Variants in ATP11B observed in about 807,000 individuals in gnomAD.
ATP11B encodes the protein phospholipid-transporting ATPase IF.
In ATP11B, 81 loss-of-function variants were observed where a neutral mutation model predicts 157.8. That is an observed-to-expected ratio of 0.51 (90% CI 0.43 to 0.62). ATP11B has a LOEUF of 0.62. Ranked by LOEUF, ATP11B falls within the 20% of genes least tolerant of loss-of-function variation. The pLI is 0.00. For missense variants in ATP11B, 1,165 were observed against 1,402.2 expected, an observed-to-expected ratio of 0.83 and a Z score of 2.70; for synonymous variants, 451 against 469.4, an observed-to-expected ratio of 0.96 and a Z score of 0.51.
chr3:182,840,246 C>G (rs1718902563), intron 7 of ATP11B, among the ~76,000 whole-genome samples: 1 of 152,174 alleles, frequency 6.6e-6, no homozygotes, highest in South Asian at 2.1e-4. Context: ...ACTCCCCTCT[C>G]TTGGTTTACC....
chr3:182,896,237 A>G (rs146833461), intron 25 of ATP11B, among the ~76,000 whole-genome samples: 1 of 152,260 alleles, frequency 6.6e-6, no homozygotes, highest in East Asian at 1.9e-4. Flanking sequence ...TTCCTTTCAG[A>G]TACAGGTTTT....
chr3:182,821,141 G>T (rs1011023696), intron 2 of ATP11B, among the ~76,000 whole-genome samples: 1 of 151,950 alleles, frequency 6.6e-6, no homozygotes, highest in Non-Finnish European at 1.5e-5. Flanking sequence ...ACAGAGTCTC[G>T]CTGTGTCACC....
intron 1 of ATP11B, among the ~76,000 whole-genome samples, chr3:182,800,454 C>T (rs1004863109): frequency 6.6e-6 from 1 of 151,914 alleles, no homozygotes; most frequent in Non-Finnish European, 1.5e-5. Flanking sequence ...TCTCAGACTC[C>T]TGGACTCAAG....
At chr3:182,890,745 G>T (rs1723118351) in intron 25 of ATP11B, among the ~76,000 whole-genome samples, 1 of 152,106 alleles carries the variant, frequency 6.6e-6, no homozygotes, top group Admixed American at 6.6e-5. Context: ...TACATTACAT[G>T]CATTTGCTCA....
intron 9 of ATP11B, among the ~76,000 whole-genome samples, chr3:182,846,142 A>G (rs570916832): frequency 6.6e-6 from 1 of 152,186 alleles, no homozygotes; most frequent in African/African-American, 2.4e-5. Context: ...AGCTCCTCAC[A>G]TTTCAGGAAT....
chr3:182,853,160 A>G (rs1720107055), intron 10 of ATP11B, among the ~76,000 whole-genome samples: 1 of 152,224 alleles, frequency 6.6e-6, no homozygotes, highest in Admixed American at 6.5e-5. Flanking sequence ...TAAGAAAACT[A>G]TAATAAGCAA....
At position 182,913,876 on chromosome 3, in the gene ATP11B, G is replaced by GC. The variant is rs1724965391; in HGVS notation, c.3335dup (p.Gly1113ArgfsTer33). 11 of 1,614,108 alleles carry GC rather than the reference G, an allele frequency of 6.8e-6. No homozygotes were observed. Among genetic ancestry groups the GC allele is most frequent in the Non-Finnish European group, 9.3e-6 (11 of 1,179,950 alleles). On this transcript the variant is annotated frameshift_variant, in exon 29 of 30. Transcript: ENST00000323116. LOFTEE classifies it high-confidence loss of function. The stretch of plus-strand genomic sequence containing the variant: ...CCTCCCGCAGCTTACTGAAACAAAT[G>GC]CAGGTATCAAGTGCTTGGACTCCAT...
At chr3:182,845,590 A>G in intron 9 of ATP11B, 68 bp downstream of exon 9, 1 of 992,054 alleles carries the variant, frequency 1.0e-6, no homozygotes, top group South Asian at 1.8e-5. Context: ...TACTTTTAAA[A>G]GTACAATGTG....
chr3:182,837,207 G>A, intron 7 of ATP11B, 33 bp downstream of exon 7: 1 of 1,448,032 alleles, frequency 6.9e-7, no homozygotes, highest in Non-Finnish European at 9.6e-7. Flanking sequence ...CTTATTTTAA[G>A]TCCTATTTAC....
chr3:182,840,134 T>TGGTA (rs1196712650), intron 7 of ATP11B, among the ~76,000 whole-genome samples: 3 of 152,202 alleles, frequency 2.0e-5, no homozygotes, highest in Non-Finnish European at 4.4e-5. Context: ...AAATACTGTA[T>TGGTA]GGTACCTCAT....
In ATP11B at chr3:182,887,632, C is replaced by T. The variant is rs1302893666; in HGVS notation, c.2762C>T (p.Thr921Ile). The T allele has an allele frequency of 6.2e-7, 1 of 1,612,500 alleles. No homozygotes were observed. The highest frequency in any genetic ancestry group is 8.5e-7 in the Non-Finnish European group (1 of 1,179,352). The change falls in exon 24 of 30, where the codon ACT becomes ATT. Residue 921 changes from threonine (T) to isoleucine (I), a missense_variant. Physicochemically the swap from Thr to Ile is moderately conservative, Grantham distance 89. Around this residue, in one of 4 missense-constraint regions of ATP11B, gnomAD observed 737 missense variants for 930.5 expected, o/e 0.79. Transcript: ENST00000323116. Reference protein sequence around the residue: ...VYLTLYNICFTSLPILIYSLL... With the variant: ...VYLTLYNICFISLPILIYSLL... Reference sequence around the variant, plus strand: ...CTGACTTTATACAATATTTGTTTTACTTCCCTACCTATTCTGATATATAGT... The same window carrying T: ...CTGACTTTATACAATATTTGTTTTATTTCCCTACCTATTCTGATATATAGT...
chr3:182,898,522 C>T (rs1030955278), intron 27 of ATP11B, 85 bp from the exon 28 acceptor site: 9 of 1,063,262 alleles, frequency 8.5e-6, no homozygotes, highest in Non-Finnish European at 1.2e-5. Context: ...GTACTTGTTA[C>T]TTTCAACTGT....
intron 1 of ATP11B, among the ~76,000 whole-genome samples, chr3:182,794,653 T>C (rs1329622819): frequency 2.0e-5 from 3 of 152,134 alleles, no homozygotes; most frequent in African/African-American, 7.2e-5. Flanking sequence ...GTGCCACCTT[T>C]CCCAGAATTA....
At chr3:182,810,737 T>C (rs1716613306) in intron 1 of ATP11B, among the ~76,000 whole-genome samples, 1 of 152,222 alleles carries the variant, frequency 6.6e-6, no homozygotes, top group Admixed American at 6.5e-5. Flanking sequence ...TGTTGTACAG[T>C]AGTTTCCTGG....
At chr3:182,810,268 GT>G (rs1716573187) in intron 1 of ATP11B, among the ~76,000 whole-genome samples, 10 of 152,064 alleles carry the variant, frequency 6.6e-5, no homozygotes, top group African/African-American at 2.4e-4. Flanking sequence ...GGAGGTGGAG[GT>G]TGCAGCGAGC....
intron 19 of ATP11B, among the ~76,000 whole-genome samples, chr3:182,878,611 C>CT (rs1333591178): frequency 6.6e-6 from 1 of 152,224 alleles, no homozygotes; most frequent in African/African-American, 2.4e-5. Context: ...AGTTTGCCCA[C>CT]TTTCCAGCAG....
At chr3:182,798,220 G>C (rs1450142536) in intron 1 of ATP11B, among the ~76,000 whole-genome samples, 1 of 152,160 alleles carries the variant, frequency 6.6e-6, no homozygotes, top group African/African-American at 2.4e-5. Flanking sequence ...AAATATCTTA[G>C]GATAAGAACC....
intron 28 of ATP11B, 144 bp from the exon 29 acceptor site, chr3:182,913,717 C>T: frequency 7.3e-7 from 1 of 1,378,292 alleles, no homozygotes. Flanking sequence ...AAATTAAAGC[C>T]TTTCATATGT....
chr3:182,853,927 G>A (rs1356514682), intron 10 of ATP11B, among the ~76,000 whole-genome samples: 1 of 152,142 alleles, frequency 6.6e-6, no homozygotes, highest in Non-Finnish European at 1.5e-5. Context: ...ATTACAGTAT[G>A]GTATTAACAA....
Sources: allele counts gnomAD v4.1 joint callset (sites outside exome capture counted in the v4.1 genomes callset), GRCh38; gene constraint gnomAD v4.1.1; regional missense constraint gnomAD v4.1.1; transcripts MANE v1.5; gene names NCBI Gene and HGNC (gene_info 2026-07-23, HGNC 2026-07-21).